PTPRQ: variants seen among roughly 807,000 people sequenced by gnomAD.
The protein encoded by PTPRQ is protein tyrosine phosphatase receptor type Q, also known as phosphatidylinositol phosphatase PTPRQ.
Under a neutral mutation model 246.0 loss-of-function variants are expected in PTPRQ, and 199 were observed. That is an observed-to-expected ratio of 0.81 (90% CI 0.72 to 0.91). PTPRQ has a LOEUF of 0.91. Ranked by LOEUF, PTPRQ falls within the 40% of genes least tolerant of loss-of-function variation. The pLI, the probability that PTPRQ is intolerant of heterozygous loss-of-function variation, is 0.00. For missense variants in PTPRQ, 2,624 were observed against 2,528.4 expected, an observed-to-expected ratio of 1.04 and a Z score of -0.81; for synonymous variants, 869 against 853.2, an observed-to-expected ratio of 1.02 and a Z score of -0.32.
At chr12:80,446,348 A>G (rs1892552926) in intron 3 of PTPRQ, among the ~76,000 whole-genome samples, 1 of 151,888 alleles carries the variant, frequency 6.6e-6, no homozygotes, top group Admixed American at 6.6e-5. Flanking sequence ...ATACTTAGTA[A>G]AAATAATTTT....
At chr12:80,519,574 G>C (rs889397322) in intron 17 of PTPRQ, among the ~76,000 whole-genome samples, 1 of 152,128 alleles carries the variant, frequency 6.6e-6, no homozygotes, top group Non-Finnish European at 1.5e-5. Flanking sequence ...TATGCGGAAA[G>C]GGTTAGCTAA....
chr12:80,534,097 G>A lies in PTPRQ; in HGVS notation c.2761G>A (p.Ala921Thr). ...SDLDYNVEYS[A>T]YVTASTRFGD... ...TTTGGATTATAATGTTGAATACAGT[G>A]CTTATGTAACAGCTAGCACCAGATT... Residue 921 changes from alanine to threonine, a missense_variant, in exon 18 of 45, where the codon GCT becomes ACT. Coordinates refer to ENST00000644991, the MANE Select transcript of PTPRQ (RefSeq NM_001145026.2). The A allele has an allele frequency of 6.5e-7, 1 of 1,541,726 alleles. No individual in the cohort carries two copies. Among genetic ancestry groups the A allele is most frequent in the Non-Finnish European group, 8.7e-7 (1 of 1,143,118 alleles).
At chr12:80,490,515 T>C (rs1894412086) in intron 9 of PTPRQ, among the ~76,000 whole-genome samples, 1 of 151,980 alleles carries the variant, frequency 6.6e-6, no homozygotes, top group Non-Finnish European at 1.5e-5. Context: ...TGTTGACAAA[T>C]TGTGACATTC....
intron 38 of PTPRQ, among the ~76,000 whole-genome samples, chr12:80,654,819 C>A (rs947735575): frequency 1.3e-5 from 2 of 151,926 alleles, no homozygotes; most frequent in African/African-American, 2.4e-5. Flanking sequence ...GAGATCGCAC[C>A]ATTGCATTCC....
chr12:80,490,762 A>G (rs1376062356), intron 9 of PTPRQ, among the ~76,000 whole-genome samples: 2 of 151,844 alleles, frequency 1.3e-5, no homozygotes, highest in East Asian at 3.9e-4. Context: ...AGGTGTTGCA[A>G]TGGACTTTTT....
chr12:80,496,509 C>G lies in PTPRQ; in HGVS notation c.2250C>G (p.Leu750=), dbSNP rs1422069848. 1.3e-6 allele frequency: 2 copies of G among 1,546,456 alleles called. No individual in the cohort carries two copies. Among genetic ancestry groups the G allele is most frequent in the Non-Finnish European group, 1.7e-6 (2 of 1,145,480 alleles). Residue 750 remains leucine (L), a synonymous_variant, in exon 14 of 45, where the codon CTC becomes CTG. Transcript: ENST00000644991. ...ATGGCAATCAGGTATCTTCTTTACT[C>G]TCTGTAAGGACTTCGGAGACTGGTG... is the stretch of plus-strand genomic sequence containing the variant. ...FGHGNQVSSL[L]SVRTSETVPD...
At chr12:80,465,806 C>A (rs923821637) in intron 6 of PTPRQ, among the ~76,000 whole-genome samples, 1 of 152,094 alleles carries the variant, frequency 6.6e-6, no homozygotes, top group Non-Finnish European at 1.5e-5. Flanking sequence ...AATTCAACAA[C>A]CCTCCATGCT....
chr12:80,609,365 A>T (rs1004321022), intron 27 of PTPRQ, among the ~76,000 whole-genome samples: 1 of 150,558 alleles, frequency 6.6e-6, no homozygotes, highest in Non-Finnish European at 1.5e-5. Context: ...AACAAAAAAT[A>T]TTTCAAAGTT....
intron 42 of PTPRQ, 73 bp downstream of exon 42, chr12:80,670,565 T>A (rs533893356): frequency 7.1e-7 from 1 of 1,402,026 alleles, no homozygotes; most frequent in African/African-American, 1.5e-5. Flanking sequence ...GGTTATTTTT[T>A]ATAAAATGTT....
chr12:80,620,115 G>A lies in PTPRQ; in HGVS notation c.5390-39G>A, dbSNP rs1199285526. ...TATAATTGTAAAAATATATTCATATGTTACTTGGAATTATTGTTCTCTTTG... is the reference window on the plus strand; with the variant it reads ...TATAATTGTAAAAATATATTCATATATTACTTGGAATTATTGTTCTCTTTG... On this transcript the variant is annotated intron_variant, in intron 31 of 44. Transcript: ENST00000644991. The A allele has an allele frequency of 2.0e-6, 3 of 1,504,692 alleles. No homozygotes were observed. The Admixed American group carries it at 7.3e-5, about 36-fold the overall frequency. 93.2% of individuals were successfully genotyped at this position (1,504,692 alleles called of 1,614,324 possible).
chr12:80,598,306 C>T (rs1236628482), intron 26 of PTPRQ, among the ~76,000 whole-genome samples: 1 of 151,956 alleles, frequency 6.6e-6, no homozygotes, highest in Non-Finnish European at 1.5e-5. Context: ...AGTGGTGATG[C>T]GTTTTGGTCA....
intron 39 of PTPRQ, among the ~76,000 whole-genome samples, chr12:80,668,135 C>T (rs1160215295): frequency 6.6e-6 from 1 of 151,922 alleles, no homozygotes; most frequent in African/African-American, 2.4e-5. Flanking sequence ...TTCCTTAAAG[C>T]ATCTTCCTGT....
intron 38 of PTPRQ, among the ~76,000 whole-genome samples, chr12:80,657,483 T>A (rs967190663): frequency 6.6e-6 from 1 of 151,804 alleles, no homozygotes; most frequent in African/African-American, 2.4e-5. Context: ...GCTGGTAGTA[T>A]ATTCTACAAG....
At chr12:80,581,512 G>C (rs1038801554) in intron 25 of PTPRQ, among the ~76,000 whole-genome samples, 1 of 152,058 alleles carries the variant, frequency 6.6e-6, no homozygotes, top group Non-Finnish European at 1.5e-5. Context: ...GCACACGCCT[G>C]TGATTCCAGC....
At chr12:80,630,474 G>A (rs2121163828) in intron 33 of PTPRQ, among the ~76,000 whole-genome samples, 1 of 152,124 alleles carries the variant, frequency 6.6e-6, no homozygotes, top group Admixed American at 6.5e-5. Context: ...CTTCCATCAG[G>A]AAGTGTAGAA....
intron 33 of PTPRQ, among the ~76,000 whole-genome samples, chr12:80,630,892 T>G (rs1456982705): frequency 6.6e-6 from 1 of 152,096 alleles, no homozygotes; most frequent in African/African-American, 2.4e-5. Flanking sequence ...AATTTTTGTA[T>G]TTTTAGTAGA....
chr12:80,500,107 G>T (rs1894752538), intron 14 of PTPRQ, among the ~76,000 whole-genome samples: 1 of 151,830 alleles, frequency 6.6e-6, no homozygotes, highest in Admixed American at 6.6e-5. Flanking sequence ...TTTAAAATTT[G>T]TCTGCATACA....
At chr12:80,463,061 A>T (rs1025323180) in intron 6 of PTPRQ, among the ~76,000 whole-genome samples, 4 of 152,210 alleles carry the variant, frequency 2.6e-5, no homozygotes, top group African/African-American at 9.7e-5. Context: ...GGACGATCAA[A>T]CTACTCCGAG....
chr12:80,580,697 A>T (rs1897406349), intron 25 of PTPRQ, among the ~76,000 whole-genome samples: 2 of 152,184 alleles, frequency 1.3e-5, no homozygotes, highest in Non-Finnish European at 2.9e-5. Flanking sequence ...TTATCTTTCT[A>T]AATACATTTG....
Sources: gnomAD v4.1 joint callset for allele counts (sites outside exome capture counted in the v4.1 genomes callset) on GRCh38, gnomAD v4.1.1 for gene constraint, MANE v1.5 for transcripts, NCBI Gene and HGNC (gene_info 2026-07-23, HGNC 2026-07-21) for gene names.